CFAP70: variants seen among roughly 807,000 people sequenced by gnomAD.
CFAP70 encodes the protein cilia and flagella associated protein 70, also known as cilia- and flagella-associated protein 70.
In CFAP70, 81 loss-of-function variants were observed where a neutral mutation model predicts 137.6. The ratio of observed to expected loss-of-function variants is 0.59; its 90% CI spans 0.49 to 0.71. The LOEUF (loss-of-function observed/expected upper bound fraction) is 0.71. Among genes scored for constraint, CFAP70 ranks in the 30% least tolerant of loss-of-function variants. The probability of loss-of-function intolerance (pLI) is 0.00; values close to 1 mark genes in which losing one functional copy is unlikely to be tolerated. For missense variants in CFAP70, 976 were observed against 1,226.7 expected (o/e 0.80, Z 3.05); for synonymous variants, 382 against 423.6 (o/e 0.90, Z 1.20).
intron 22 of CFAP70, 142 bp from the exon 24 acceptor site, chr10:73,274,736 A>G (rs978358420): frequency 2.5e-6 from 2 of 786,060 alleles, no homozygotes; most frequent in Non-Finnish European, 3.9e-6. Context: ...TTCTTTTTCT[A>G]AGAGCACTCA....
exon 4 of CFAP70, chr10:73,348,440 A>C: frequency 3.1e-6 from 5 of 1,598,772 alleles, no homozygotes; most frequent in Non-Finnish European, 4.3e-6. Context: ...TAAGGGAAGA[A>C]GGTCCACCAC....
chr10:73,359,606 A>G (rs1257907337), upstream of CFAP70, among the ~76,000 whole-genome samples: 1 of 152,228 alleles, frequency 6.6e-6, no homozygotes, highest in East Asian at 1.9e-4. Context: ...CTTTCAAAGT[A>G]GGATGCCAAC....
intron 5 of CFAP70, among the ~76,000 whole-genome samples, chr10:73,342,818 T>A (rs1011200954): frequency 6.6e-6 from 1 of 152,200 alleles, no homozygotes; most frequent in Non-Finnish European, 1.5e-5. Flanking sequence ...GGCTCACACC[T>A]GTAATCCCAG....
At chr10:73,353,270 A>C (rs1239277488) in intron 3 of CFAP70, among the ~76,000 whole-genome samples, 2 of 152,164 alleles carry the variant, frequency 1.3e-5, no homozygotes, top group Non-Finnish European at 2.9e-5. Flanking sequence ...CATCAACAAC[A>C]GCCAAAGGTT....
chr10:73,289,115 G>A (rs555095741), intron 19 of CFAP70, among the ~76,000 whole-genome samples: 5 of 151,720 alleles, frequency 3.3e-5, no homozygotes, highest in African/African-American at 4.8e-5. Context: ...TCTTGACTCA[G>A]GCTCTATTTT....
chr10:73,254,313 T>C (rs917489955), intron 26 of CFAP70: 6 of 290,068 alleles, frequency 2.1e-5, no homozygotes, highest in African/African-American at 4.3e-5. Context: ...TTTTGTAAGA[T>C]AACTTCATTA....
intron 9 of CFAP70, among the ~76,000 whole-genome samples, chr10:73,312,872 T>C (rs1266423461): frequency 6.6e-6 from 1 of 152,210 alleles, no homozygotes; most frequent in Admixed American, 6.5e-5. Flanking sequence ...AAAGGAGACC[T>C]TACAACCTGG....
At position 73,336,355 on chromosome 10, in the gene CFAP70, T is replaced by C. The variant is rs562325876; in HGVS notation, c.583-831A>G. ...AAAATGTCTGATCTAAATTAAAATA[T>C]AAATCTAAGAAAAGTATGAATTTTC... is the stretch of plus-strand genomic sequence containing the variant. On this transcript the variant is annotated intron_variant, in intron 6 of 26. Coordinates refer to ENST00000310715, the Ensembl canonical transcript of CFAP70. Among the ~76,000 whole-genome samples, 18 of 152,236 alleles carry C rather than the reference T, an allele frequency of 1.2e-4. No individual in the cohort carries two copies. The South Asian group carries it at 3.5e-3, about 30-fold the overall frequency.
intron 9 of CFAP70, among the ~76,000 whole-genome samples, chr10:73,316,338 C>T (rs1261929323): frequency 6.6e-6 from 1 of 150,764 alleles, no homozygotes; most frequent in Admixed American, 6.6e-5. Context: ...TGTTGAAATA[C>T]TTAGATTTTT....
intron 4 of CFAP70, among the ~76,000 whole-genome samples, chr10:73,346,449 A>G (rs1362825525): frequency 6.6e-5 from 10 of 152,002 alleles, no homozygotes; most frequent in Admixed American, 3.9e-4. Flanking sequence ...CAGCCTGGCC[A>G]ACATGGTGAA....
At chr10:73,332,796 T>C (rs2052254966) in intron 7 of CFAP70, among the ~76,000 whole-genome samples, 1 of 152,056 alleles carries the variant, frequency 6.6e-6, no homozygotes, top group Admixed American at 6.6e-5. Flanking sequence ...CAGATTAACA[T>C]AAAACCTCAC....
intron 1 of CFAP70, among the ~76,000 whole-genome samples, chr10:73,355,292 A>G (rs911801835): frequency 1.2e-4 from 19 of 152,306 alleles, no homozygotes; most frequent in Admixed American, 1.2e-3. Flanking sequence ...GATCAGTGGC[A>G]GCATTATATT....
At chr10:73,317,166 C>T (rs532880534) in intron 9 of CFAP70, among the ~76,000 whole-genome samples, 20 of 152,166 alleles carry the variant, frequency 1.3e-4, no homozygotes, top group Admixed American at 9.2e-4. Context: ...TACAGGTGCA[C>T]GCCACCATGC....
At chr10:73,339,696 G>A (rs543365145) in intron 6 of CFAP70, among the ~76,000 whole-genome samples, 2 of 152,352 alleles carry the variant, frequency 1.3e-5, no homozygotes, top group South Asian at 4.1e-4. Context: ...CGTCAGCACA[G>A]GTGCCAGCTC....
chr10:73,285,837 G>A (rs997832869), intron 19 of CFAP70, among the ~76,000 whole-genome samples: 3 of 151,942 alleles, frequency 2.0e-5, no homozygotes, highest in African/African-American at 4.8e-5. Flanking sequence ...GTTTCACCCT[G>A]TTGGCCAGTC....
chr10:73,360,237 GA>G (rs2054955197), upstream of CFAP70, among the ~76,000 whole-genome samples: 5 of 152,250 alleles, frequency 3.3e-5, no homozygotes, highest in South Asian at 1.0e-3. Context: ...CTGTTTAGGG[GA>G]AAATAAACAC....
chr10:73,355,049 G>C (rs191223005), intron 1 of CFAP70, among the ~76,000 whole-genome samples: 1 of 152,298 alleles, frequency 6.6e-6, no homozygotes, highest in Admixed American at 6.5e-5. Flanking sequence ...TGTTTATACA[G>C]GTAACTAACC....
chr10:73,284,730 G>A (rs2047515022), intron 19 of CFAP70, among the ~76,000 whole-genome samples: 1 of 63,068 alleles, frequency 1.6e-5, no homozygotes, highest in Non-Finnish European at 2.9e-5. Context: ...GGCCATATAT[G>A]ACCTGCCACA....
Position 73,274,025 on chromosome 10 carries a change from C to T in CFAP70, c.2835+408G>A, listed in dbSNP as rs572734382. On this transcript the variant is annotated intron_variant, in intron 23 of 26. Coordinates refer to ENST00000310715, the Ensembl canonical transcript of CFAP70. The stretch of plus-strand genomic sequence containing the variant: ...GCTTCCATGGTCAGGTCAGAGCGCC[C>T]TATGGAATGGGGTTAGCCTCAACCA... 2.0e-5 allele frequency among the ~76,000 whole-genome samples: 3 copies of T among 152,122 alleles called. No homozygotes were observed. In the South Asian group the frequency reaches 6.2e-4, roughly 32 times the overall value.
Sources: allele counts gnomAD v4.1 joint callset (sites outside exome capture counted in the v4.1 genomes callset), GRCh38; gene constraint gnomAD v4.1.1; transcripts MANE v1.5; gene names NCBI Gene and HGNC (gene_info 2026-07-23, HGNC 2026-07-21).